The following LOC128092253 variants were observed in gnomAD, a reference collection of about 807,000 sequenced individuals.
At chr6:133,979,808 G>A in the LOC128092253 span, among the ~76,000 whole-genome samples, 7 of 151,842 alleles carry the variant, frequency 4.6e-5, no homozygotes, top group South Asian at 2.1e-4. Context: ...CATCATGCCC[G>A]GCTAATTTTT....
chr6:133,972,931 T>C, the LOC128092253 span, among the ~76,000 whole-genome samples: 1 of 152,158 alleles, frequency 6.6e-6, no homozygotes, highest in African/African-American at 2.4e-5. Flanking sequence ...AATGAGGATT[T>C]AGAGAGCGGT....
the LOC128092253 span, among the ~76,000 whole-genome samples, chr6:133,954,348 G>T: frequency 6.6e-6 from 1 of 152,190 alleles, no homozygotes; most frequent in East Asian, 1.9e-4. Context: ...AAGCAATGTG[G>T]ATTCTCTGGG....
At chr6:133,956,217 C>T in the LOC128092253 span, among the ~76,000 whole-genome samples, 1 of 152,098 alleles carries the variant, frequency 6.6e-6, no homozygotes, top group African/African-American at 2.4e-5. Flanking sequence ...AGAATGTTTC[C>T]ACATTGTCTC....
At chr6:133,978,986 CAA>C in the LOC128092253 span, among the ~76,000 whole-genome samples, 1 of 152,046 alleles carries the variant, frequency 6.6e-6, no homozygotes, top group Non-Finnish European at 1.5e-5. Context: ...TGTGAAAATG[CAA>C]AGAGAGAATT....
the LOC128092253 span, among the ~76,000 whole-genome samples, chr6:133,969,225 T>G: frequency 6.6e-6 from 1 of 151,578 alleles, no homozygotes; most frequent in African/African-American, 2.4e-5. Flanking sequence ...TTACAAATAA[T>G]GTCATTGACT....
chr6:133,971,989 G>T, the LOC128092253 span, among the ~76,000 whole-genome samples: 6 of 152,106 alleles, frequency 3.9e-5, no homozygotes, highest in Admixed American at 6.6e-5. Context: ...CAGTAATACA[G>T]CATTTTTTGG....
the LOC128092253 span, among the ~76,000 whole-genome samples, chr6:133,961,674 C>T: frequency 1.6e-4 from 24 of 152,048 alleles, no homozygotes; most frequent in Admixed American, 1.1e-3. Flanking sequence ...CCATGTTAAT[C>T]GGGCTGGTCT....
At chr6:133,959,762 C>T in the LOC128092253 span, among the ~76,000 whole-genome samples, 2 of 152,208 alleles carry the variant, frequency 1.3e-5, no homozygotes, top group South Asian at 2.1e-4. Context: ...GAATTACAGG[C>T]GTGAGCCATT....
chr6:133,954,315 A>G, the LOC128092253 span, among the ~76,000 whole-genome samples: 1 of 152,196 alleles, frequency 6.6e-6, no homozygotes, highest in Non-Finnish European at 1.5e-5. Flanking sequence ...AAGAAAAGGG[A>G]GCAGGTTTGC....
chr6:133,962,162 G>T, the LOC128092253 span, among the ~76,000 whole-genome samples: 1 of 152,166 alleles, frequency 6.6e-6, no homozygotes, highest in Admixed American at 6.5e-5. Flanking sequence ...GGAAGATTAG[G>T]TTATATAAGG....
the LOC128092253 span, among the ~76,000 whole-genome samples, chr6:133,969,294 C>T: frequency 7.0e-6 from 1 of 143,780 alleles, no homozygotes; most frequent in Admixed American, 7.1e-5. Context: ...ATGCTGGCAA[C>T]CTCAGAGTTG....
chr6:133,967,118 G>C, the LOC128092253 span, among the ~76,000 whole-genome samples: 1 of 152,138 alleles, frequency 6.6e-6, no homozygotes, highest in Non-Finnish European at 1.5e-5. Context: ...CTTCAGGCCT[G>C]AGCAGTTCCT....
At chr6:133,976,708 G>A in the LOC128092253 span, among the ~76,000 whole-genome samples, 493 of 152,140 alleles carry the variant, frequency 3.2e-3, 3 homozygotes, top group African/African-American at 0.011. Flanking sequence ...GCTATTTGTC[G>A]GCCTGGCGCG....
chr6:133,979,797 C>T, the LOC128092253 span, among the ~76,000 whole-genome samples: 3 of 152,208 alleles, frequency 2.0e-5, no homozygotes, highest in Non-Finnish European at 2.9e-5. Flanking sequence ...CAGACATGCA[C>T]CATCATGCCC....
At chr6:133,971,614 A>G in the LOC128092253 span, among the ~76,000 whole-genome samples, 1 of 152,042 alleles carries the variant, frequency 6.6e-6, no homozygotes, top group South Asian at 2.1e-4. Flanking sequence ...TTGTTTTTTT[A>G]TAATAGCCAT....
At chr6:133,975,092 C>A in the LOC128092253 span, among the ~76,000 whole-genome samples, 1 of 151,882 alleles carries the variant, frequency 6.6e-6, no homozygotes, top group African/African-American at 2.4e-5. Flanking sequence ...AGGAAGGAAA[C>A]AATGGACATG....
At chr6:133,969,006 G>C in the LOC128092253 span, 2 of 152,094 alleles carry the variant, frequency 1.3e-5, no homozygotes, top group Non-Finnish European at 2.9e-5. Flanking sequence ...AGTATTCGTC[G>C]AAACAGTGAG....
At chr6:133,976,531 T>G in the LOC128092253 span, among the ~76,000 whole-genome samples, 1 of 152,230 alleles carries the variant, frequency 6.6e-6, no homozygotes, top group South Asian at 2.1e-4. Context: ...TTTATTGTTT[T>G]TCTTGTTTTA....
the LOC128092253 span, among the ~76,000 whole-genome samples, chr6:133,954,179 T>G: frequency 3.3e-5 from 5 of 152,228 alleles, no homozygotes; most frequent in African/African-American, 4.8e-5. Context: ...AGACTCAAAC[T>G]GCAGTCAATC....
Sources: gnomAD v4.1 joint callset for allele counts (sites outside exome capture counted in the v4.1 genomes callset) on GRCh38, gnomAD v4.1.1 for gene constraint, MANE v1.5 for transcripts.